The following ACSM2B variants were observed in gnomAD, a reference collection of about 807,000 sequenced individuals.
ACSM2B encodes acyl-CoA synthetase medium chain family member 2B.
A neutral mutation model predicts 78.6 loss-of-function variants in ACSM2B; 58 were observed. The ratio of observed to expected loss-of-function variants is 0.74; its 90% CI spans 0.60 to 0.92. ACSM2B has a LOEUF of 0.92. Ranked by LOEUF, ACSM2B falls within the 40% of genes least tolerant of loss-of-function variation. The pLI is 0.00. For synonymous variants in ACSM2B, 257 were observed against 256.8 expected (o/e 1.00, Z -0.01); for missense variants, 688 against 711.2 (o/e 0.97, Z 0.37).
chr16:20,545,388 A>G, intron 9 of ACSM2B, 130 bp from the exon 10 acceptor site: 1 of 1,032,480 alleles, frequency 9.7e-7, no homozygotes, highest in Non-Finnish European at 1.3e-6. Context: ...GACAACCAAA[A>G]ACCAAGGGAA....
intron 3 of ACSM2B, among the ~76,000 whole-genome samples, chr16:20,555,942 G>A (rs1340365611): frequency 6.6e-6 from 1 of 152,118 alleles, no homozygotes; most frequent in Non-Finnish European, 1.5e-5. Flanking sequence ...TCTTAGATGA[G>A]AGTGCCTTCA....
intron 3 of ACSM2B, among the ~76,000 whole-genome samples, chr16:20,555,923 A>G (rs2015460466): frequency 6.6e-6 from 1 of 152,140 alleles, no homozygotes; most frequent in African/African-American, 2.4e-5. Flanking sequence ...GGGACATTAA[A>G]TGCATTTTTC....
chr16:20,552,206 T>C lies in ACSM2B; in HGVS notation c.832A>G (p.Thr278Ala), dbSNP rs77863699. 0.046 allele frequency: 74,059 copies of C among 1,613,636 alleles called. 5,147 individuals are homozygous for C. Among genetic ancestry groups the C allele is most frequent in the African/African-American group, 0.29 (21,479 of 74,920 alleles). The change falls in exon 6 of 14, where the codon ACA becomes GCA. Residue 278 changes from threonine (T) to alanine (A), a missense_variant. Thr to Ala is a moderately conservative substitution (Grantham distance 58). Transcript: ENST00000329697. The stretch of plus-strand genomic sequence containing the variant: ...TGAACAAATGTGCATGCTCCTAATG[T>C]CCAAGATTCCAAAAGTGAGCCCAAG... ...NILGSLLESW[T>A]LGACTFVHLL...
intron 6 of ACSM2B, among the ~76,000 whole-genome samples, chr16:20,550,788 A>G (rs2015289684): frequency 6.6e-6 from 1 of 152,144 alleles, no homozygotes; most frequent in East Asian, 1.9e-4. Context: ...AAGCAAAATG[A>G]GGTCATTTTC....
intron 7 of ACSM2B, 89 bp downstream of exon 7, chr16:20,548,305 G>A (rs545276915): frequency 1.8e-5 from 29 of 1,605,354 alleles, no homozygotes; most frequent in African/African-American, 5.4e-5. Flanking sequence ...CTCTGTGTGC[G>A]AGAGATTCAG....
intron 1 of ACSM2B, among the ~76,000 whole-genome samples, chr16:20,573,121 G>C (rs561512092): frequency 6.6e-6 from 1 of 151,498 alleles, no homozygotes; most frequent in Admixed American, 6.6e-5. Context: ...GTGATTTTTG[G>C]GGGGAGGTGT....
At chr16:20,545,834 G>A (rs2015123792) in intron 9 of ACSM2B, among the ~76,000 whole-genome samples, 1 of 152,120 alleles carries the variant, frequency 6.6e-6, no homozygotes, top group Non-Finnish European at 1.5e-5. Flanking sequence ...ACATAACACA[G>A]ATACACAAAC....
At chr16:20,562,003 T>C (rs2015672592) in intron 2 of ACSM2B, among the ~76,000 whole-genome samples, 1 of 151,040 alleles carries the variant, frequency 6.6e-6, no homozygotes, top group Admixed American at 6.6e-5. Context: ...CTGAGAATGA[T>C]GGTTTATTTT....
At chr16:20,575,370 A>G (rs1490045130) in intron 1 of ACSM2B, 1 of 151,784 alleles carries the variant, frequency 6.6e-6, no homozygotes, top group East Asian at 1.9e-4. Flanking sequence ...ATGTGTGTAT[A>G]TATATATACA....
At chr16:20,556,754 T>C (rs1191183019) in intron 3 of ACSM2B, among the ~76,000 whole-genome samples, 1 of 152,206 alleles carries the variant, frequency 6.6e-6, no homozygotes, top group Non-Finnish European at 1.5e-5. Flanking sequence ...TGCACACCTG[T>C]AAATATCCTC....
At chr16:20,574,630 CA>C (rs1178675962) in intron 1 of ACSM2B, 1 of 150,430 alleles carries the variant, frequency 6.6e-6, no homozygotes, top group African/African-American at 2.5e-5. Flanking sequence ...TCCCTCCATT[CA>C]GGGTCCCTGA....
intron 12 of ACSM2B, 191 bp from the exon 13 acceptor site, chr16:20,540,964 TGGA>T: frequency 1.3e-6 from 1 of 761,062 alleles, no homozygotes; most frequent in Non-Finnish European, 1.9e-6. Context: ...AGTCGTTTAT[TGGA>T]GGAGCAGGTG....
chr16:20,568,951 T>C (rs1432038200), intron 1 of ACSM2B, among the ~76,000 whole-genome samples: 2 of 151,986 alleles, frequency 1.3e-5, no homozygotes, highest in African/African-American at 4.8e-5. Context: ...TCCTTCTAGA[T>C]TCTGAATATT....
At chr16:20,566,896 C>T (rs1596736033) in intron 1 of ACSM2B, among the ~76,000 whole-genome samples, 2 of 126,402 alleles carry the variant, frequency 1.6e-5, no homozygotes, top group South Asian at 2.3e-4. Context: ...ATATGATACA[C>T]ATTATATATA....
intron 4 of ACSM2B, among the ~76,000 whole-genome samples, chr16:20,554,760 T>G (rs1281255345): frequency 6.6e-6 from 1 of 152,250 alleles, no homozygotes; most frequent in African/African-American, 2.4e-5. Flanking sequence ...GACCTTGGCC[T>G]CACCCCTGAT....
In ACSM2B at chr16:20,536,427, T is replaced by C. The variant is rs527430884; in HGVS notation, c.*831A>G. On this transcript the variant is annotated 3_prime_UTR_variant, in exon 14 of 14. Transcript: ENST00000329697. ...GTGAAACAATGTGGTATTTATAATG[T>C]GTCTGGGTCAGTGCCTGGCACATGG... is the stretch of plus-strand genomic sequence containing the variant. 3.3e-5 allele frequency: 5 copies of C among 152,270 alleles called. No homozygotes were observed. The highest frequency in any genetic ancestry group is 3.9e-4 in the East Asian group (2 of 5,180). The allele number at this position is 152,270 out of a possible 1,614,324, so 9.4% of individuals were successfully genotyped here. A position where few individuals can be genotyped will look rare whatever the true frequency, so the allele number is the denominator to read the frequency against.
At chr16:20,571,131 G>A (rs1056506901) in intron 1 of ACSM2B, among the ~76,000 whole-genome samples, 3 of 151,772 alleles carry the variant, frequency 2.0e-5, no homozygotes, top group Non-Finnish European at 4.4e-5. Flanking sequence ...ATTTGTTCTT[G>A]TTTGTCTAGT....
At chr16:20,546,511 A>AG (rs1421630347) in intron 8 of ACSM2B, 37 bp from the exon 9 acceptor site, 1 of 1,579,916 alleles carries the variant, frequency 6.3e-7, no homozygotes, top group Non-Finnish European at 8.6e-7. Context: ...AAACCTCAGG[A>AG]GGAGGTACAA....
At chr16:20,554,386 C>A in intron 4 of ACSM2B, among the ~76,000 whole-genome samples, 1 of 152,158 alleles carries the variant, frequency 6.6e-6, no homozygotes, top group Admixed American at 6.5e-5. Flanking sequence ...TCCCTGGAAG[C>A]ACCTACATAT....
Sources: gnomAD v4.1 joint callset for allele counts (sites outside exome capture counted in the v4.1 genomes callset) on GRCh38, gnomAD v4.1.1 for gene constraint, MANE v1.5 for transcripts, NCBI Gene and HGNC (gene_info 2026-07-23, HGNC 2026-07-21) for gene names.